CCSER1: variants seen among roughly 807,000 people sequenced by gnomAD.
CCSER1 encodes the protein coiled-coil serine rich protein 1, also known as serine-rich coiled-coil domain-containing protein 1.
CCSER1 carries 41 observed loss-of-function variants against 82.0 expected under a neutral mutation model. The observed-to-expected ratio is 0.50, with a 90% CI of 0.39 to 0.65. The LOEUF (loss-of-function observed/expected upper bound fraction) is 0.65, where lower values mean the gene tolerates loss of function less well. CCSER1 is among the 30% of genes least tolerant of loss of function. The pLI, the probability that CCSER1 is intolerant of heterozygous loss-of-function variation, is 0.00. For synonymous variants in CCSER1, 414 were observed against 383.9 expected, an observed-to-expected ratio of 1.08 and a Z score of -0.92; for missense variants, 1,119 against 1,064.2, an observed-to-expected ratio of 1.05 and a Z score of -0.72.
chr4:90,284,709 TC>T (rs1246885818), intron 1 of CCSER1, among the ~76,000 whole-genome samples: 2 of 151,906 alleles, frequency 1.3e-5, no homozygotes, highest in Non-Finnish European at 2.9e-5. Flanking sequence ...GCCAGGCTGG[TC>T]TTGAACTGCT....
chr4:91,327,348 G>A (rs1421398584), intron 10 of CCSER1, among the ~76,000 whole-genome samples: 3 of 152,188 alleles, frequency 2.0e-5, no homozygotes, highest in Non-Finnish European at 4.4e-5. Context: ...CCAAGGCTTG[G>A]GGCTTACACC....
intron 9 of CCSER1, among the ~76,000 whole-genome samples, chr4:90,957,176 C>T (rs1217112037): frequency 7.2e-6 from 1 of 138,050 alleles, no homozygotes. Flanking sequence ...GATCTCGGCT[C>T]ACTGCAACCT....
At chr4:90,374,722 A>C (rs28752160) in intron 3 of CCSER1, among the ~76,000 whole-genome samples, 55,430 of 151,862 alleles carry the variant, frequency 0.37, 10,637 homozygotes, top group African/African-American at 0.47. Flanking sequence ...CTCACTGCTG[A>C]TGGTATTTTT....
chr4:91,215,783 C>A (rs1288015812), intron 10 of CCSER1, among the ~76,000 whole-genome samples: 3 of 152,136 alleles, frequency 2.0e-5, no homozygotes, highest in African/African-American at 7.2e-5. Context: ...CACTCAATAT[C>A]AACCATCATA....
chr4:91,465,892 A>G (rs577150719), intron 10 of CCSER1, among the ~76,000 whole-genome samples: 1 of 152,334 alleles, frequency 6.6e-6, no homozygotes, highest in African/African-American at 2.4e-5. Context: ...GTCCAGGACC[A>G]GATGGATTCA....
At chr4:90,493,440 C>A (rs1002523142) in intron 5 of CCSER1, among the ~76,000 whole-genome samples, 7 of 152,118 alleles carry the variant, frequency 4.6e-5, no homozygotes, top group African/African-American at 1.4e-4. Context: ...TCGAGAAGAG[C>A]AACTCCAATA....
intron 10 of CCSER1, among the ~76,000 whole-genome samples, chr4:91,391,967 C>G (rs181628618): frequency 6.6e-6 from 1 of 151,898 alleles, no homozygotes; most frequent in African/African-American, 2.4e-5. Flanking sequence ...TACATACATA[C>G]AATACATATA....
chr4:90,948,721 G>A (rs887469233), intron 9 of CCSER1, among the ~76,000 whole-genome samples: 6 of 151,858 alleles, frequency 4.0e-5, no homozygotes, highest in African/African-American at 1.4e-4. Flanking sequence ...ATAGAATTAG[G>A]TAAAATATCA....
chr4:91,069,755 CTG>C (rs1721228873), intron 9 of CCSER1, among the ~76,000 whole-genome samples: 1 of 152,034 alleles, frequency 6.6e-6, no homozygotes. Context: ...GAAATTTAAA[CTG>C]AGATTTGAAG....
chr4:90,910,672 T>C (rs1269660798), intron 8 of CCSER1, among the ~76,000 whole-genome samples: 1 of 152,206 alleles, frequency 6.6e-6, no homozygotes, highest in Non-Finnish European at 1.5e-5. Context: ...TAAAAATAAA[T>C]ATGTTATCCA....
chr4:90,257,790 TGTAG>T (rs1723616810), intron 1 of CCSER1, among the ~76,000 whole-genome samples: 1 of 152,126 alleles, frequency 6.6e-6, no homozygotes, highest in Admixed American at 6.6e-5. Context: ...ATTTTGATAT[TGTAG>T]CTCCCAGACA....
At chr4:91,432,694 AC>A (rs1463557757) in intron 10 of CCSER1, among the ~76,000 whole-genome samples, 1 of 152,266 alleles carries the variant, frequency 6.6e-6, no homozygotes, top group East Asian at 1.9e-4. Flanking sequence ...CTTTATGTGA[AC>A]TTTTCTTTTT....
intron 8 of CCSER1, among the ~76,000 whole-genome samples, chr4:90,816,472 A>T (rs1194316169): frequency 6.6e-6 from 1 of 152,048 alleles, no homozygotes; most frequent in Admixed American, 6.6e-5. Context: ...AGTGGGCATT[A>T]TTTTTTCTAA....
chr4:90,297,413 T>C (rs1177387182), intron 1 of CCSER1, among the ~76,000 whole-genome samples: 1 of 151,984 alleles, frequency 6.6e-6, no homozygotes, highest in Non-Finnish European at 1.5e-5. Flanking sequence ...TGGGGTTTTC[T>C]AGATATATAA....
At chr4:90,965,968 G>A (rs1734522736) in intron 9 of CCSER1, among the ~76,000 whole-genome samples, 1 of 151,986 alleles carries the variant, frequency 6.6e-6, no homozygotes, top group African/African-American at 2.4e-5. Flanking sequence ...TATAGTAACT[G>A]AAATGAAAGT....
chr4:90,423,998 G>A (rs924433560), intron 4 of CCSER1, among the ~76,000 whole-genome samples: 2 of 151,402 alleles, frequency 1.3e-5, no homozygotes, highest in African/African-American at 4.8e-5. Flanking sequence ...GGCTGAGGCA[G>A]GAGAATGGCG....
At chr4:91,281,848 T>G (rs1035244527) in intron 10 of CCSER1, among the ~76,000 whole-genome samples, 10 of 152,218 alleles carry the variant, frequency 6.6e-5, no homozygotes, top group African/African-American at 2.2e-4. Flanking sequence ...GTAGTATTCC[T>G]CTTTCCCTAG....
In CCSER1 at chr4:90,341,427, C is replaced by T. The variant is rs189490368; in HGVS notation, c.1509+28380C>T. Among the ~76,000 whole-genome samples the T allele has an allele frequency of 2.8e-3, 431 of 152,118 alleles. 3 individuals carry two copies. Among genetic ancestry groups the T allele is most frequent in the African/African-American group, 9.8e-3 (407 of 41,550 alleles). On this transcript the variant is annotated intron_variant, in intron 3 of 10. Coordinates refer to ENST00000509176, the MANE Select transcript of CCSER1 (RefSeq NM_001145065.2). ...AACACAGCAAATGAATTTTTACTCT[C>T]GAGTTCATAAATCCACAAGGAGCAT...
chr4:91,329,515 T>A (rs1746795933), intron 10 of CCSER1, among the ~76,000 whole-genome samples: 1 of 152,202 alleles, frequency 6.6e-6, no homozygotes, highest in South Asian at 2.1e-4. Context: ...CATGACTGGG[T>A]GGCTTTAAAC....
Sources: gnomAD v4.1 joint callset for allele counts (sites outside exome capture counted in the v4.1 genomes callset) on GRCh38, gnomAD v4.1.1 for gene constraint, MANE v1.5 for transcripts, NCBI Gene and HGNC (gene_info 2026-07-23, HGNC 2026-07-21) for gene names.